The following DNASE1L3 variants were observed in gnomAD, a reference collection of about 807,000 sequenced individuals.
DNASE1L3 encodes deoxyribonuclease gamma.
Under a neutral mutation model 30.9 loss-of-function variants are expected in DNASE1L3, and 27 were observed. The ratio of observed to expected loss-of-function variants is 0.87; its 90% CI spans 0.64 to 1.20. The LOEUF (loss-of-function observed/expected upper bound fraction) is 1.20, where lower values mean the gene tolerates loss of function less well. DNASE1L3 is among the 50% of genes most tolerant of loss of function. The pLI is 0.00. For missense variants in DNASE1L3, 364 were observed against 378.2 expected, an observed-to-expected ratio of 0.96 and a Z score of 0.31; for synonymous variants, 135 against 138.0, an observed-to-expected ratio of 0.98 and a Z score of 0.15.
chr3:58,206,952 A>C (rs1039674725), intron 2 of DNASE1L3, among the ~76,000 whole-genome samples: 1 of 152,178 alleles, frequency 6.6e-6, no homozygotes, highest in Non-Finnish European at 1.5e-5. Context: ...ATTGTCCTAC[A>C]CATGCCTTCC....
chr3:58,201,130 G>T (rs369944916), intron 4 of DNASE1L3, 21 bp from the exon 5 acceptor site: 1 of 1,591,212 alleles, frequency 6.3e-7, no homozygotes, highest in South Asian at 1.1e-5. Flanking sequence ...GGAAAGAGGC[G>T]GGGGTCACAC....
In DNASE1L3 at chr3:58,210,843, T is replaced by G; in HGVS notation, c.64A>C (p.Arg22=). ...GACCTGACGTTGAAGGAGCAGATCC[T>G]CATGGCCAGGGCGCTGTGGATGGAG... ...LLSIHSALAM[R]ICSFNVRSFG... The change falls in exon 1 of 8, where the codon AGG becomes CGG. Residue 22 remains arginine (R), a synonymous_variant. Transcript: ENST00000394549. 1 of 1,614,152 alleles carries G rather than the reference T, an allele frequency of 6.2e-7. No individual in the cohort carries two copies.
intron 1 of DNASE1L3, among the ~76,000 whole-genome samples, chr3:58,208,978 G>A (rs916519635): frequency 6.6e-6 from 1 of 152,120 alleles, no homozygotes; most frequent in Non-Finnish European, 1.5e-5. Flanking sequence ...GGTGGCTTAC[G>A]CCTGTAATAC....
chr3:58,194,477 G>T (rs1438815651), intron 6 of DNASE1L3, among the ~76,000 whole-genome samples: 1 of 151,778 alleles, frequency 6.6e-6, no homozygotes, highest in South Asian at 2.1e-4. Flanking sequence ...GTGCCACCAC[G>T]CCTGGCTAAT....
rs1244888081 is a variant in DNASE1L3 at position 58,200,264 on chromosome 3, C to T, written c.546+733G>A. Among the ~76,000 whole-genome samples the T allele has an allele frequency of 6.6e-6, 1 of 152,174 alleles. No individual in the cohort carries two copies. Among genetic ancestry groups the T allele is most frequent in the Non-Finnish European group, 1.5e-5 (1 of 68,034 alleles). On this transcript the variant is annotated intron_variant, in intron 5 of 7. Coordinates refer to ENST00000394549, the MANE Select transcript of DNASE1L3 (RefSeq NM_004944.4). This position sits in a 1 kb window ranked among gnomAD's most constrained non-coding sequence, Gnocchi z 4.2. ...TCAGAGTAGCTCAACACCCTGATCA[C>T]AATGATTGGTTCAGGGATGGACACC...
At position 58,210,900 on chromosome 3, in the gene DNASE1L3, G is replaced by A. The variant is rs202183427; in HGVS notation, c.7C>T (p.Arg3Trp). 134 of 1,613,766 alleles carry A rather than the reference G, an allele frequency of 8.3e-5. No homozygotes were observed. The highest frequency in any genetic ancestry group is 7.9e-4 in the African/African-American group (59 of 75,028). MS[R>W]ELAPLLLLLL... ...AGAAGCAGCAGTGGGGCCAGCTCCC[G>A]TGACATCCTGGCGCTGCTCTGGCTT... The change falls in exon 1 of 8, where the codon CGG becomes TGG. Residue 3 changes from arginine (R) to tryptophan (W), a missense_variant. By Grantham distance (101) the Arg-to-Trp change is moderately radical (BLOSUM62 -3). Transcript: ENST00000394549.
intron 2 of DNASE1L3, 66 bp from the exon 3 acceptor site, chr3:58,205,626 T>C: frequency 7.3e-7 from 1 of 1,372,482 alleles, no homozygotes; most frequent in Non-Finnish European, 1.0e-6. Flanking sequence ...CATGTTCCTT[T>C]CTTTCCAATC....
At chr3:58,206,663 C>A (rs17058991) in intron 2 of DNASE1L3, among the ~76,000 whole-genome samples, 18,359 of 152,100 alleles carry the variant, frequency 0.12, 1,526 homozygotes, top group African/African-American at 0.23. Flanking sequence ...AAAAGACTCG[C>A]CCCAGACTGA....
In DNASE1L3 at chr3:58,197,691, G is replaced by A. The variant is rs1253886694; in HGVS notation, c.704+130C>T. ...TGGTCTCAAACTCCTGTACTCAAGCGATCCATCCATCGAGGCCTCCCAAAG... is the reference window on the plus strand; with the variant it reads ...TGGTCTCAAACTCCTGTACTCAAGCAATCCATCCATCGAGGCCTCCCAAAG... On this transcript the variant is annotated intron_variant, in intron 6 of 7. Transcript: ENST00000394549. This position sits in a 1 kb window ranked among gnomAD's most constrained non-coding sequence, Gnocchi z 5.3. The A allele has an allele frequency of 1.4e-5, 17 of 1,241,164 alleles. No homozygotes were observed. The highest frequency in any genetic ancestry group is 2.7e-5 in the South Asian group (2 of 73,944). 76.9% of individuals were successfully genotyped at this position (1,241,164 alleles called of 1,614,324 possible). A position where few individuals can be genotyped will look rare whatever the true frequency, so the allele number is the denominator to read the frequency against.
Position 58,201,072 on chromosome 3 carries a change from G to T in DNASE1L3, c.471C>A (p.Thr157=). The T allele has an allele frequency of 1.2e-6, 2 of 1,612,748 alleles. No individual in the cohort carries two copies. Among genetic ancestry groups the T allele is most frequent in the Non-Finnish European group, 1.7e-6 (2 of 1,179,176 alleles). ...KDFVIIPLHT[T]PETSVKEIDE... The stretch of plus-strand genomic sequence containing the variant: ...CGATCTCCTTAACGGATGTCTCTGG[G>T]GTGGTGTGCAGGGGGATAATCACGA... The change falls in exon 5 of 8, where the codon ACC becomes ACA. Residue 157 remains threonine (T), a synonymous_variant. Transcript: ENST00000394549.
At position 58,200,846 on chromosome 3, in the gene DNASE1L3, AG is replaced by A. The variant is rs2097400108; in HGVS notation, c.546+150del. The A allele has an allele frequency of 3.6e-6, 2 of 552,992 alleles. No homozygotes were observed. Among genetic ancestry groups the A allele is most frequent in the Non-Finnish European group, 6.3e-6 (2 of 317,896 alleles). The allele number at this position is 552,992 out of a possible 1,614,324, so 34.3% of individuals were successfully genotyped here. A position where few individuals can be genotyped will look rare whatever the true frequency, so the allele number is the denominator to read the frequency against. On this transcript the variant is annotated intron_variant, in intron 5 of 7. Coordinates refer to ENST00000394549, the MANE Select transcript of DNASE1L3 (RefSeq NM_004944.4). The surrounding 1 kb of genome is among the most constrained non-coding windows in gnomAD (Gnocchi z 4.2). ...GGCAGATTTAGCAAAAGGGATACTTAGGGCTGAAGAAAGGCCTTAAAGAATG... is the reference window on the plus strand; with the variant it reads ...GGCAGATTTAGCAAAAGGGATACTTAGGCTGAAGAAAGGCCTTAAAGAATG...
Position 58,204,787 on chromosome 3 carries a change from A to G in DNASE1L3, c.415T>C (p.Phe139Leu), listed in dbSNP as rs372683613. Residue 139 changes from phenylalanine (F) to leucine (L), a missense_variant, in exon 4 of 8, where the codon TTC becomes CTC. Transcript: ENST00000394549. ...GTCTTACCAGTGTGGGGAGATTGGA[A>G]CCAGACCACAAAGGGCTCCCTGGAA... ...VFSREPFVVW[F>L]QSPHTAVKDF... The G allele has an allele frequency of 3.1e-6, 5 of 1,614,036 alleles. No individual in the cohort carries two copies. Among genetic ancestry groups the G allele is most frequent in the East Asian group, 2.2e-5 (1 of 44,890 alleles).
intron 5 of DNASE1L3, among the ~76,000 whole-genome samples, chr3:58,199,684 A>G (rs767447438): frequency 1.5e-4 from 23 of 151,874 alleles, no homozygotes; most frequent in Admixed American, 2.6e-4. Context: ...AAAAAAAAGA[A>G]TCACATCCCA....
chr3:58,193,160 T>C, intron 7 of DNASE1L3, 183 bp downstream of exon 7: 1 of 1,395,300 alleles, frequency 7.2e-7, no homozygotes, highest in Non-Finnish European at 9.4e-7. Context: ...CACTGCAACC[T>C]CCGCTTCCTG....
At chr3:58,208,869 A>G (rs1031991029) in intron 1 of DNASE1L3, among the ~76,000 whole-genome samples, 1 of 152,196 alleles carries the variant, frequency 6.6e-6, no homozygotes, top group Non-Finnish European at 1.5e-5. Context: ...TTAAAGTCAT[A>G]CAGCCAGGAT....
At chr3:58,207,967 T>G (rs2097405188) in intron 2 of DNASE1L3, 1 of 411,960 alleles carries the variant, frequency 2.4e-6, no homozygotes, top group South Asian at 9.0e-5. Context: ...TAGCTCAGCC[T>G]CATCTGCTTT....
At chr3:58,196,788 G>T (rs577922494) in intron 6 of DNASE1L3, among the ~76,000 whole-genome samples, 1 of 152,276 alleles carries the variant, frequency 6.6e-6, no homozygotes, top group Admixed American at 6.5e-5. Flanking sequence ...AAGGAGCAAA[G>T]ATGAAAGCTG....
intron 1 of DNASE1L3, among the ~76,000 whole-genome samples, chr3:58,208,708 T>A (rs2097405668): frequency 2.0e-5 from 3 of 152,036 alleles, no homozygotes; most frequent in African/African-American, 7.3e-5. Flanking sequence ...GGATTAGAAA[T>A]AAAGAGGTAT....
chr3:58,210,254 A>AAGAG (rs981613989), intron 1 of DNASE1L3, among the ~76,000 whole-genome samples: 5 of 151,364 alleles, frequency 3.3e-5, no homozygotes, highest in African/African-American at 4.9e-5. Flanking sequence ...AAAAGAAAGA[A>AAGAG]AGAAAGAGAG....
Sources: gnomAD v4.1 joint callset for allele counts (sites outside exome capture counted in the v4.1 genomes callset) on GRCh38, gnomAD v4.1.1 for gene constraint, Gnocchi (gnomAD v3.1) non-coding constraint, MANE v1.5 for transcripts, NCBI Gene and HGNC (gene_info 2026-07-23, HGNC 2026-07-21) for gene names.